The following LRBA variants were observed in gnomAD, a reference collection of about 807,000 sequenced individuals.
The protein encoded by LRBA is lipopolysaccharide-responsive and beige-like anchor protein.
In LRBA, 176 loss-of-function variants were observed where a neutral mutation model predicts 330.0. That is an observed-to-expected ratio of 0.53 (90% CI 0.47 to 0.60). LRBA has a LOEUF of 0.60. Ranked by LOEUF, LRBA falls within the 20% of genes least tolerant of loss-of-function variation. The pLI is 0.00. For missense variants in LRBA, 3,259 were observed against 3,444.8 expected (o/e 0.95, Z 1.35); for synonymous variants, 1,230 against 1,193.0 (o/e 1.03, Z -0.64).
chr4:150,759,075 C>T (rs937289596), intron 35 of LRBA, among the ~76,000 whole-genome samples: 1 of 152,000 alleles, frequency 6.6e-6, no homozygotes, highest in Non-Finnish European at 1.5e-5. Flanking sequence ...TGCCACTATA[C>T]CAGGCTAATT....
intron 44 of LRBA, among the ~76,000 whole-genome samples, chr4:150,443,174 C>T (rs952317433): frequency 6.6e-6 from 1 of 152,136 alleles, no homozygotes; most frequent in Non-Finnish European, 1.5e-5. Flanking sequence ...CACCTCCTGA[C>T]TTTTTAATGA....
At chr4:150,427,614 G>A (rs1356611054) in intron 46 of LRBA, among the ~76,000 whole-genome samples, 2 of 151,968 alleles carry the variant, frequency 1.3e-5, no homozygotes, top group Non-Finnish European at 2.9e-5. Flanking sequence ...AGAAAGGAAT[G>A]AGCACTTAAG....
At chr4:150,911,718 T>C (rs1405415401) in intron 9 of LRBA, among the ~76,000 whole-genome samples, 6 of 152,192 alleles carry the variant, frequency 3.9e-5, no homozygotes, top group Admixed American at 6.5e-5. Flanking sequence ...AAAATCAGTT[T>C]GAAAATGTTC....
chr4:150,932,935 C>A (rs1034492180), intron 2 of LRBA, among the ~76,000 whole-genome samples: 133 of 151,598 alleles, frequency 8.8e-4, no homozygotes, highest in African/African-American at 3.1e-3. Flanking sequence ...AAAAGAAAAA[C>A]AAAAAAATAG....
chr4:150,498,740 TG>T (rs1201710576), intron 40 of LRBA, among the ~76,000 whole-genome samples: 1 of 152,172 alleles, frequency 6.6e-6, no homozygotes, highest in African/African-American at 2.4e-5. Flanking sequence ...TCAATATCAT[TG>T]TGAACGAGGC....
intron 40 of LRBA, among the ~76,000 whole-genome samples, chr4:150,555,536 G>C (rs1767188420): frequency 6.6e-6 from 1 of 152,064 alleles, no homozygotes; most frequent in South Asian, 2.1e-4. Context: ...GGATCACAAG[G>C]TCAAGAGATC....
At chr4:150,849,306 G>T (rs1203921358) in intron 25 of LRBA, 116 bp downstream of exon 25, 10 of 880,136 alleles carry the variant, frequency 1.1e-5, no homozygotes, top group African/African-American at 1.7e-5. Flanking sequence ...AGATCCTATT[G>T]TTTTTTATTT....
At position 150,303,819 on chromosome 4, in the gene LRBA, C is replaced by T. The variant is rs541335167; in HGVS notation, c.7850-1027G>A. Reference sequence around the variant, plus strand: ...CGATCTCCTGACCTTGTAATCCACCCGCCTGGGCCTCCCAAAGTGCTGGGA... The same window carrying T: ...CGATCTCCTGACCTTGTAATCCACCTGCCTGGGCCTCCCAAAGTGCTGGGA... On this transcript the variant is annotated intron_variant, in intron 52 of 56. Coordinates refer to ENST00000651943, the MANE Select transcript of LRBA (RefSeq NM_001364905.1). Among the ~76,000 whole-genome samples the T allele has an allele frequency of 2.3e-4, 35 of 151,934 alleles. No individual in the cohort carries two copies. In the East Asian group the frequency reaches 5.9e-3, roughly 25 times the overall value.
Position 150,867,750 on chromosome 4 carries a change from A to T in LRBA, c.2687T>A (p.Ile896Asn), listed in dbSNP as rs1334833705. Reference protein sequence around the residue: ...ITEMVYAIFRILLYHAVKYEW... With the variant: ...ITEMVYAIFRNLLYHAVKYEW... ...ATATTTGACTGCATGGTAAAGCAGG[A>T]TTCTGAATATGGCGTATACCATTTC... is the stretch of plus-strand genomic sequence containing the variant. The change falls in exon 22 of 57, where the codon ATC becomes AAC. Residue 896 changes from isoleucine to asparagine, a missense_variant. By Grantham distance (149) the Ile-to-Asn change is moderately radical (BLOSUM62 -3). Coordinates refer to ENST00000651943, the MANE Select transcript of LRBA (RefSeq NM_001364905.1). 2 of 1,613,934 alleles carry T rather than the reference A, an allele frequency of 1.2e-6. No individual in the cohort carries two copies. The highest frequency in any genetic ancestry group is 1.7e-5 in the Admixed American group (1 of 60,010).
intron 35 of LRBA, among the ~76,000 whole-genome samples, chr4:150,743,809 C>T (rs1732330362): frequency 6.6e-6 from 1 of 152,130 alleles, no homozygotes; most frequent in South Asian, 2.1e-4. Context: ...AGTCCTCCTC[C>T]TTACATGTCT....
intron 44 of LRBA, among the ~76,000 whole-genome samples, chr4:150,451,618 A>C (rs1462021458): frequency 6.6e-6 from 1 of 152,204 alleles, no homozygotes; most frequent in Non-Finnish European, 1.5e-5. Flanking sequence ...TCTTAAATCA[A>C]TAGTTTAAAG....
rs531784176 is a variant in LRBA, at chr4:150,997,313, G to A, written c.216+17114C>T. Reference sequence around the variant, plus strand: ...GTCCCTACAAATAGAAATGACTCCTGAAATTTTTATGTCAAAAGTCATTGT... The same window carrying A: ...GTCCCTACAAATAGAAATGACTCCTAAAATTTTTATGTCAAAAGTCATTGT... On this transcript the variant is annotated intron_variant, in intron 2 of 56. Coordinates refer to ENST00000651943, the MANE Select transcript of LRBA (RefSeq NM_001364905.1). Among the ~76,000 whole-genome samples the A allele has an allele frequency of 7.9e-4, 121 of 152,274 alleles. 1 individual carries two copies. In the Middle Eastern group the frequency reaches 0.027, roughly 34 times the overall value.
At chr4:150,370,414 T>C (rs1345177590) in intron 47 of LRBA, among the ~76,000 whole-genome samples, 2 of 152,152 alleles carry the variant, frequency 1.3e-5, no homozygotes, top group African/African-American at 2.4e-5. Flanking sequence ...TGCATGCTAC[T>C]AAATGAAAGA....
At chr4:150,654,279 C>A (rs368783948) in intron 37 of LRBA, among the ~76,000 whole-genome samples, 3 of 152,056 alleles carry the variant, frequency 2.0e-5, no homozygotes, top group African/African-American at 7.2e-5. Flanking sequence ...CTCTGCCTCC[C>A]GGGTTCAAGC....
intron 2 of LRBA, among the ~76,000 whole-genome samples, chr4:150,954,490 A>G (rs1356052333): frequency 1.3e-5 from 2 of 151,910 alleles, no homozygotes; most frequent in Non-Finnish European, 1.5e-5. Context: ...TCTCTGAAAC[A>G]TGTGCTGTGT....
At chr4:150,546,459 C>A (rs185903821) in intron 40 of LRBA, among the ~76,000 whole-genome samples, 2 of 152,280 alleles carry the variant, frequency 1.3e-5, no homozygotes, top group East Asian at 3.9e-4. Flanking sequence ...TACCATAATA[C>A]GGATTAAACT....
chr4:150,983,978 G>T (rs974190207), intron 2 of LRBA, among the ~76,000 whole-genome samples: 51 of 152,006 alleles, frequency 3.4e-4, no homozygotes, highest in African/African-American at 1.2e-3. Flanking sequence ...ATGATGCCAG[G>T]CTGTTTCCAA....
intron 40 of LRBA, among the ~76,000 whole-genome samples, chr4:150,571,750 C>T (rs1301527421): frequency 7.4e-6 from 1 of 135,806 alleles, no homozygotes; most frequent in African/African-American, 2.7e-5. Context: ...CTAGATGATA[C>T]TACAGACAAA....
intron 40 of LRBA, among the ~76,000 whole-genome samples, chr4:150,513,751 A>G (rs753946255): frequency 2.6e-5 from 4 of 152,134 alleles, no homozygotes; most frequent in Non-Finnish European, 5.9e-5. Flanking sequence ...GTCCTATCAG[A>G]TTGGGGCCGC....
Sources: allele counts gnomAD v4.1 joint callset (sites outside exome capture counted in the v4.1 genomes callset), GRCh38; gene constraint gnomAD v4.1.1; transcripts MANE v1.5; gene names NCBI Gene and HGNC (gene_info 2026-07-23, HGNC 2026-07-21).